The following WWOX variants were observed in gnomAD, a reference collection of about 807,000 sequenced individuals.
The protein encoded by WWOX is WW domain containing oxidoreductase, also known as WW domain-containing oxidoreductase.
Under a neutral mutation model 46.2 loss-of-function variants are expected in WWOX, and 69 were observed. The ratio of observed to expected loss-of-function variants is 1.49; its 90% confidence interval spans 1.23 to 1.82. WWOX has a LOEUF of 1.82. Ranked by LOEUF, WWOX falls within the 40% of genes most tolerant of loss-of-function variation. The pLI is 0.00. For synonymous variants in WWOX, 359 were observed against 202.6 expected (o/e 1.77, Z -6.56); for missense variants, 919 against 542.6 (o/e 1.69, Z -6.89).
chr16:78,400,391 G>A (rs57879216), intron 6 of WWOX, among the ~76,000 whole-genome samples: 16,498 of 152,146 alleles, frequency 0.11, 1,411 homozygotes, highest in African/African-American at 0.23. Context: ...TGACAGGGCG[G>A]TTCCCCAGCT....
chr16:78,681,770 C>G lies in WWOX; in HGVS notation c.1056+249018C>G, dbSNP rs770064452. Among the ~76,000 whole-genome samples the G allele has an allele frequency of 1.6e-4, 24 of 152,344 alleles. No homozygotes were observed. In the East Asian group the frequency reaches 2.3e-3, roughly 15 times the overall value. On this transcript the variant is annotated intron_variant, in intron 8 of 8. Transcript: ENST00000566780. ...CAGCACAAAGGCGTGCGCAGTGACT[C>G]TGTGGCGTACTATCTATTTGGCCTT...
At chr16:78,666,573 A>G (rs2047337340) in intron 8 of WWOX, among the ~76,000 whole-genome samples, 1 of 152,240 alleles carries the variant, frequency 6.6e-6, no homozygotes, top group South Asian at 2.1e-4. Context: ...TGCCTTAAGA[A>G]ATAAAGCAGA....
intron 8 of WWOX, among the ~76,000 whole-genome samples, chr16:78,618,442 C>A (rs1597355713): frequency 6.6e-6 from 1 of 152,182 alleles, no homozygotes; most frequent in African/African-American, 2.4e-5. Context: ...TCTGTCTTCA[C>A]ATGGTCTTCC....
chr16:78,777,107 A>T (rs9925933), intron 8 of WWOX, among the ~76,000 whole-genome samples: 1 of 152,092 alleles, frequency 6.6e-6, no homozygotes. Flanking sequence ...GAAAAGTTTC[A>T]GTGATTATTT....
rs187714153 is a variant in WWOX at position 78,752,820 on chromosome 16, G to C, written c.1056+320068G>C. Among the ~76,000 whole-genome samples the C allele has an allele frequency of 1.2e-3, 183 of 152,228 alleles. 2 individuals are homozygous for C. In the East Asian group the frequency reaches 0.025, roughly 21 times the overall value. On this transcript the variant is annotated intron_variant, in intron 8 of 8. Coordinates refer to ENST00000566780, the MANE Select transcript of WWOX (RefSeq NM_016373.4). ...CACATAATTACTTAAATGGCCTGGC[G>C]AGCCGCCTTACCTAGCTGGCCAGGA...
intron 8 of WWOX, among the ~76,000 whole-genome samples, chr16:78,659,239 C>A (rs1163945363): frequency 6.6e-6 from 1 of 152,124 alleles, no homozygotes; most frequent in African/African-American, 2.4e-5. Context: ...CAGACAGATT[C>A]AATAACTACG....
At chr16:79,067,624 G>T (rs2048466097) in intron 8 of WWOX, among the ~76,000 whole-genome samples, 1 of 130,748 alleles carries the variant, frequency 7.6e-6, no homozygotes, top group African/African-American at 3.0e-5. Flanking sequence ...GTGCGTGTGG[G>T]TGGGGTGGGG....
rs1016332013 is a variant in WWOX at position 78,545,639 on chromosome 16, C to T, written c.1056+112887C>T. On this transcript the variant is annotated intron_variant, in intron 8 of 8. Coordinates refer to ENST00000566780, the MANE Select transcript of WWOX (RefSeq NM_016373.4). ...ATTAAATAGCCATTGAGTCTCTATT[C>T]TGAAACAGGCACCGTGTTCATTTGC... Among the ~76,000 whole-genome samples, 23 of 152,182 alleles carry T rather than the reference C, an allele frequency of 1.5e-4. 1 individual carries two copies. The highest frequency in any genetic ancestry group is 4.4e-5 in the Non-Finnish European group (3 of 68,042).
At chr16:78,618,356 G>C (rs928072028) in intron 8 of WWOX, among the ~76,000 whole-genome samples, 8 of 152,154 alleles carry the variant, frequency 5.3e-5, no homozygotes, top group African/African-American at 1.9e-4. Context: ...CTGGAGGTTG[G>C]GAGTCCTAGA....
chr16:79,067,303 C>T (rs1022939756), intron 8 of WWOX, among the ~76,000 whole-genome samples: 10 of 152,156 alleles, frequency 6.6e-5, no homozygotes, highest in Admixed American at 6.5e-4. Flanking sequence ...TTTGCAAGGT[C>T]CTGCATGACT....
intron 7 of WWOX, among the ~76,000 whole-genome samples, chr16:78,431,779 C>G (rs1213278858): frequency 2.0e-5 from 3 of 151,516 alleles, no homozygotes; most frequent in Admixed American, 1.3e-4. Flanking sequence ...TTCAGTGGCA[C>G]AATCATAGCT....
chr16:78,100,054 C>A, intron 1 of WWOX, 169 bp downstream of exon 1: 2 of 1,410,600 alleles, frequency 1.4e-6, no homozygotes, highest in Admixed American at 3.6e-5. Flanking sequence ...TAGGGGCCGG[C>A]CCCCTTGGTG....
intron 5 of WWOX, among the ~76,000 whole-genome samples, chr16:78,184,644 A>G (rs1208618611): frequency 1.3e-5 from 2 of 152,146 alleles, no homozygotes; most frequent in South Asian, 2.1e-4. Context: ...AAATATTTAT[A>G]TTACATTCAT....
intron 4 of WWOX, among the ~76,000 whole-genome samples, chr16:78,121,800 T>C (rs1047599177): frequency 2.6e-5 from 4 of 152,012 alleles, no homozygotes; most frequent in Admixed American, 6.6e-5. Context: ...TAGCTGGGAT[T>C]ACAGGTGCAC....
At chr16:78,140,630 C>G (rs1054273523) in intron 4 of WWOX, among the ~76,000 whole-genome samples, 2 of 152,164 alleles carry the variant, frequency 1.3e-5, no homozygotes, top group Non-Finnish European at 2.9e-5. Context: ...TATCTTTTCA[C>G]ATCATCTTCC....
chr16:78,940,896 A>G (rs1041554063), intron 8 of WWOX, among the ~76,000 whole-genome samples: 1 of 151,836 alleles, frequency 6.6e-6, no homozygotes, highest in African/African-American at 2.4e-5. Flanking sequence ...GTCACTCTTC[A>G]TGTCTATGCT....
intron 8 of WWOX, among the ~76,000 whole-genome samples, chr16:78,576,109 C>T (rs1411860539): frequency 1.3e-5 from 2 of 152,012 alleles, no homozygotes; most frequent in Non-Finnish European, 2.9e-5. Flanking sequence ...GACAGTTTCC[C>T]TCTTACCGTT....
intron 8 of WWOX, among the ~76,000 whole-genome samples, chr16:78,766,589 T>C (rs920438167): frequency 6.6e-6 from 1 of 152,176 alleles, no homozygotes; most frequent in African/African-American, 2.4e-5. Flanking sequence ...GCTTGTCTCC[T>C]TGTCTCTAAA....
chr16:78,951,544 G>T (rs1398352294), intron 8 of WWOX, among the ~76,000 whole-genome samples: 1 of 152,164 alleles, frequency 6.6e-6, no homozygotes, highest in Non-Finnish European at 1.5e-5. Flanking sequence ...GCTGGAAAAG[G>T]GGACATGGGT....
Sources: gnomAD v4.1 joint callset for allele counts (sites outside exome capture counted in the v4.1 genomes callset) on GRCh38, gnomAD v4.1.1 for gene constraint, MANE v1.5 for transcripts, NCBI Gene and HGNC (gene_info 2026-07-23, HGNC 2026-07-21) for gene names.